Variants in SEL1L observed in about 807,000 individuals in gnomAD.
The protein encoded by SEL1L is protein sel-1 homolog 1.
In SEL1L, 52 loss-of-function variants were observed where a neutral mutation model predicts 109.8. The observed-to-expected ratio is 0.47, with a 90% CI of 0.38 to 0.60. The LOEUF (loss-of-function observed/expected upper bound fraction) is 0.60, where lower values mean the gene tolerates loss of function less well. SEL1L is among the 20% of genes least tolerant of loss of function. SEL1L has a pLI of 0.00. For missense variants in SEL1L, 749 were observed against 962.2 expected (o/e 0.78, Z 2.93); for synonymous variants, 373 against 339.6 (o/e 1.10, Z -1.08).
rs1393393736 is a variant in SEL1L at position 81,524,237 on chromosome 14, TTAA to T, written c.340+2493_340+2495del. Reference sequence around the variant, plus strand: ...GTTGCCAAAACCCCTAGGCAAAAGATTAATGAGGAACTTTAGAATGGTGAGATC... The same window carrying T: ...GTTGCCAAAACCCCTAGGCAAAAGATTGAGGAACTTTAGAATGGTGAGATC... On this transcript the variant is annotated intron_variant, in intron 3 of 20. Coordinates refer to ENST00000336735, the MANE Select transcript of SEL1L (RefSeq NM_005065.6). Among the ~76,000 whole-genome samples the T allele has an allele frequency of 5.9e-5, 9 of 152,094 alleles. No individual in the cohort carries two copies. In the East Asian group the frequency reaches 1.7e-3, roughly 29 times the overall value.
chr14:81,471,806 T>C lies in SEL1L; in HGVS notation c.*5166A>G, dbSNP rs1903021767. ...GAATTTTCAGGATCTAATTAAAAGCTTGTTCAATTTGATGGCGAAGTAGTG... is the reference window on the plus strand; with the variant it reads ...GAATTTTCAGGATCTAATTAAAAGCCTGTTCAATTTGATGGCGAAGTAGTG... On this transcript the variant is annotated 3_prime_UTR_variant, in exon 21 of 21. Coordinates refer to ENST00000336735, the MANE Select transcript of SEL1L (RefSeq NM_005065.6). 1 of 152,212 alleles carries C rather than the reference T, an allele frequency of 6.6e-6. No individual in the cohort carries two copies. Among genetic ancestry groups the C allele is most frequent in the Admixed American group, 6.5e-5 (1 of 15,282 alleles). The allele number at this position is 152,212 out of a possible 1,614,324, so 9.4% of individuals were successfully genotyped here. A position where few individuals can be genotyped will look rare whatever the true frequency, so the allele number is the denominator to read the frequency against.
At chr14:81,530,160 A>G (rs1230875058) in intron 1 of SEL1L, among the ~76,000 whole-genome samples, 1 of 152,224 alleles carries the variant, frequency 6.6e-6, no homozygotes, top group East Asian at 1.9e-4. Context: ...CGTAAATTAA[A>G]CAGACTGATA....
rs985237895 is a variant in SEL1L, at chr14:81,486,316, T to C, written c.1771A>G (p.Ser591Gly). The C allele has an allele frequency of 1.1e-5, 18 of 1,614,066 alleles. No individual in the cohort carries two copies. The highest frequency in any genetic ancestry group is 1.4e-5 in the Non-Finnish European group (17 of 1,180,026). ...TGATCAAGAATAAAGGCTGCATTGC[T>C]TTGTGCCACTTCATAGCCCTGTTCA... ...LAEQGYEVAQSNAAFILDQRE... is the reference protein window; with the variant it reads ...LAEQGYEVAQGNAAFILDQRE... Residue 591 changes from serine to glycine, a missense_variant, in exon 17 of 21, where the codon AGC becomes GGC. Around this residue, in one of 2 missense-constraint regions of SEL1L, gnomAD observed 383 missense variants for 562.5 expected, o/e 0.68. Coordinates refer to ENST00000336735, the MANE Select transcript of SEL1L (RefSeq NM_005065.6).
chr14:81,484,342 G>C lies in SEL1L; in HGVS notation c.1929C>G (p.Thr643=). ...TAAATGCAGTTTCATAATCTACATC[G>C]GTGCCAAACCCATAGAAATGGTAGT... is the stretch of plus-strand genomic sequence containing the variant. ...LGDYHFYGFG[T]DVDYETAFIH... is the part of the protein sequence containing the mutation. Residue 643 remains threonine, a synonymous_variant, in exon 19 of 21, where the codon ACC becomes ACG. Transcript: ENST00000336735. The C allele has an allele frequency of 1.2e-6, 2 of 1,613,956 alleles. No homozygotes were observed. Among genetic ancestry groups the C allele is most frequent in the Non-Finnish European group, 1.7e-6 (2 of 1,179,958 alleles).
At chr14:81,485,645 A>C (rs1232806861) in intron 18 of SEL1L, 27 bp downstream of exon 18, 2 of 1,590,582 alleles carry the variant, frequency 1.3e-6, no homozygotes, top group African/African-American at 2.7e-5. Flanking sequence ...CCTGGGTGAA[A>C]CTCTTATCTT....
At chr14:81,524,374 C>T (rs945876701) in intron 3 of SEL1L, among the ~76,000 whole-genome samples, 2 of 152,120 alleles carry the variant, frequency 1.3e-5, no homozygotes, top group African/African-American at 2.4e-5. Flanking sequence ...ACACCACCAC[C>T]TACCTATGAA....
intron 20 of SEL1L, among the ~76,000 whole-genome samples, chr14:81,478,992 G>C (rs1046016433): frequency 6.6e-5 from 10 of 152,116 alleles, no homozygotes; most frequent in African/African-American, 2.4e-4. Flanking sequence ...ATCCATTCTA[G>C]GAACTATAGT....
At chr14:81,489,173 T>G (rs544436325) in intron 14 of SEL1L, 79 bp downstream of exon 14, 2 of 1,290,114 alleles carry the variant, frequency 1.6e-6, no homozygotes, top group East Asian at 4.6e-5. Flanking sequence ...CTGGGCTGAC[T>G]GGAAGCTAAT....
intron 3 of SEL1L, among the ~76,000 whole-genome samples, chr14:81,519,304 C>T (rs1321504755): frequency 6.6e-6 from 1 of 152,226 alleles, no homozygotes; most frequent in African/African-American, 2.4e-5. Flanking sequence ...GCCTTCTAGT[C>T]TTCCACTATG....
At position 81,472,612 on chromosome 14, in the gene SEL1L, G is replaced by A. The variant is rs1566966760; in HGVS notation, c.*4360C>T. 5 of 454,026 alleles carry A rather than the reference G, an allele frequency of 1.1e-5. No homozygotes were observed. In the Admixed American group the frequency reaches 1.2e-4, roughly 11 times the overall value. 28.1% of individuals were successfully genotyped at this position (454,026 alleles called of 1,614,324 possible). A position where few individuals can be genotyped will look rare whatever the true frequency, so the allele number is the denominator to read the frequency against. ...CAAGGCAATGCATAAACAAACTTTA[G>A]ATAAATAATATTATAATCAGGCTAA... On this transcript the variant is annotated 3_prime_UTR_variant, in exon 21 of 21. Coordinates refer to ENST00000336735, the MANE Select transcript of SEL1L (RefSeq NM_005065.6).
intron 12 of SEL1L, among the ~76,000 whole-genome samples, chr14:81,492,193 G>A (rs548011738): frequency 1.2e-4 from 18 of 152,032 alleles, no homozygotes; most frequent in African/African-American, 3.1e-4. Flanking sequence ...GGGTTTCACC[G>A]TGTTAGCCAG....
At chr14:81,483,979 G>A (rs2139988581) in intron 19 of SEL1L, among the ~76,000 whole-genome samples, 1 of 152,348 alleles carries the variant, frequency 6.6e-6, no homozygotes, top group Non-Finnish European at 1.5e-5. Flanking sequence ...AGGAAGCACT[G>A]CACTTCCATT....
At chr14:81,493,880 T>C (rs117437901) in intron 11 of SEL1L, among the ~76,000 whole-genome samples, 3,359 of 152,326 alleles carry the variant, frequency 0.022, 52 homozygotes, top group South Asian at 0.036. Context: ...ACTCTCCTGG[T>C]TTCCATCCTA....
At chr14:81,489,341 G>C in intron 13 of SEL1L, 27 bp from the exon 14 acceptor site, 1 of 1,591,998 alleles carries the variant, frequency 6.3e-7, no homozygotes, top group East Asian at 2.2e-5. Context: ...TCAGACAAAA[G>C]AGTGAAAAGA....
chr14:81,500,102 G>C (rs1272001353), intron 6 of SEL1L, among the ~76,000 whole-genome samples: 3 of 151,022 alleles, frequency 2.0e-5, no homozygotes, highest in South Asian at 2.1e-4. Flanking sequence ...GTAGAGACAG[G>C]GTTTCACCAT....
chr14:81,525,503 A>G (rs908482757), intron 3 of SEL1L, among the ~76,000 whole-genome samples: 1 of 152,144 alleles, frequency 6.6e-6, no homozygotes, highest in African/African-American at 2.4e-5. Flanking sequence ...ATGGTAATAC[A>G]CACTTGGGTG....
At chr14:81,520,136 T>C (rs1177036791) in intron 3 of SEL1L, among the ~76,000 whole-genome samples, 1 of 152,212 alleles carries the variant, frequency 6.6e-6, no homozygotes, top group Non-Finnish European at 1.5e-5. Context: ...CTAGTGTAGC[T>C]GGAACTGTAC....
At chr14:81,494,194 A>C (rs533497333) in intron 11 of SEL1L, among the ~76,000 whole-genome samples, 3 of 152,272 alleles carry the variant, frequency 2.0e-5, no homozygotes, top group South Asian at 4.1e-4. Context: ...AATTTAAGCA[A>C]ATGGCAATAC....
At chr14:81,488,918 A>T (rs567133158) in intron 14 of SEL1L, 23 of 291,536 alleles carry the variant, frequency 7.9e-5, no homozygotes, top group African/African-American at 4.3e-4. Context: ...GCAGTTATGC[A>T]TTTTGTCAGG....
Sources: gnomAD v4.1 joint callset for allele counts (sites outside exome capture counted in the v4.1 genomes callset) on GRCh38, gnomAD v4.1.1 for gene constraint, gnomAD v4.1.1 regional missense constraint, MANE v1.5 for transcripts, NCBI Gene and HGNC (gene_info 2026-07-23, HGNC 2026-07-21) for gene names.